WFDC1: variants seen among roughly 807,000 people sequenced by gnomAD.
The protein encoded by WFDC1 is WAP four-disulfide core domain 1.
WFDC1 carries 39 observed loss-of-function variants against 32.9 expected under a neutral mutation model. The observed-to-expected ratio is 1.19, with a 90% CI of 0.92 to 1.55. The LOEUF (loss-of-function observed/expected upper bound fraction) is 1.55. Ranked by LOEUF, WFDC1 falls within the 40% of genes most tolerant of loss-of-function variation. The pLI is 0.00. For synonymous variants in WFDC1, 184 were observed against 137.4 expected (o/e 1.34, Z -2.37); for missense variants, 386 against 309.5 (o/e 1.25, Z -1.85).
Position 84,321,268 on chromosome 16 carries a change from G to A in WFDC1, c.562+1697G>A, listed in dbSNP as rs760706862. The stretch of plus-strand genomic sequence containing the variant: ...TGAGGAGTGAGTTAATCTGTGTAGA[G>A]TGTCCATCAATTCACAAGCACAGTA... On this transcript the variant is annotated intron_variant, in intron 4 of 6. Coordinates refer to ENST00000219454, the MANE Select transcript of WFDC1 (RefSeq NM_021197.4). Among the ~76,000 whole-genome samples the A allele has an allele frequency of 2.6e-5, 4 of 152,298 alleles. No homozygotes were observed. In the South Asian group the frequency reaches 8.3e-4, roughly 32 times the overall value.
intron 3 of WFDC1, 100 bp downstream of exon 3, chr16:84,318,455 G>C: frequency 1.8e-6 from 2 of 1,133,070 alleles, no homozygotes; most frequent in Non-Finnish European, 2.6e-6. Flanking sequence ...TGTCCCCCAT[G>C]CACGGGCCCT....
chr16:84,311,695 C>CTTT (rs67144104), intron 1 of WFDC1, among the ~76,000 whole-genome samples: 27,976 of 73,208 alleles, frequency 0.38, 6,635 homozygotes, highest in East Asian at 0.79. Flanking sequence ...TGCCTGACTG[C>CTTT]TTTTTTTTTT....
chr16:84,306,781 A>ATCATCT (rs1907288254), intron 1 of WFDC1, among the ~76,000 whole-genome samples: 1 of 151,950 alleles, frequency 6.6e-6, no homozygotes, highest in African/African-American at 2.4e-5. Context: ...CATCATCATC[A>ATCATCT]TCATCATCAC....
Position 84,329,720 on chromosome 16 carries a change from T to A in WFDC1, c.*414T>A, listed in dbSNP as rs9910. The A allele has an allele frequency of 0.17, 26,294 of 152,142 alleles. 2,738 individuals carry two copies. The highest frequency in any genetic ancestry group is 0.29 in the African/African-American group (12,174 of 41,474). 9.4% of individuals were successfully genotyped at this position (152,142 alleles called of 1,614,324 possible). A position where few individuals can be genotyped will look rare whatever the true frequency, so the allele number is the denominator to read the frequency against. On this transcript the variant is annotated 3_prime_UTR_variant, in exon 7 of 7. Transcript: ENST00000219454. ...AAATGTTCCCAAGATAAATTCATCC[T>A]TCAGGAAATGGAAATGAACTTGCTT... is the stretch of plus-strand genomic sequence containing the variant.
chr16:84,311,368 C>T (rs892938863), intron 1 of WFDC1, among the ~76,000 whole-genome samples: 6 of 148,374 alleles, frequency 4.0e-5, no homozygotes, highest in Non-Finnish European at 7.4e-5. Context: ...CAGGTGCTCG[C>T]CACCACGCCC....
chr16:84,306,654 T>G (rs1361656337), intron 1 of WFDC1, among the ~76,000 whole-genome samples: 2 of 152,196 alleles, frequency 1.3e-5, no homozygotes, highest in East Asian at 3.8e-4. Context: ...GGACCCCTGC[T>G]CTGCAGAACC....
intron 4 of WFDC1, among the ~76,000 whole-genome samples, chr16:84,321,322 G>A (rs918755542): frequency 6.6e-6 from 1 of 152,182 alleles, no homozygotes; most frequent in Non-Finnish European, 1.5e-5. Context: ...ATCACTGCTT[G>A]TCTCTAGACA....
intron 3 of WFDC1, 66 bp from the exon 4 acceptor site, chr16:84,319,365 G>A: frequency 6.3e-7 from 1 of 1,578,034 alleles, no homozygotes; most frequent in South Asian, 1.1e-5. Context: ...CTGCCTTCTA[G>A]ACCCTAGCAT....
chr16:84,326,863 A>G lies in WFDC1; in HGVS notation c.605-19A>G. ...GGAATAGATACATCTACCCCAACAG[A>G]GCTGTGTTCTTTTCACAGAAGGTGA... is the stretch of plus-strand genomic sequence containing the variant. On this transcript the variant is annotated intron_variant, in intron 5 of 6. Coordinates refer to ENST00000219454, the MANE Select transcript of WFDC1 (RefSeq NM_021197.4). 6.2e-7 allele frequency: 1 copy of G among 1,613,968 alleles called. No individual in the cohort carries two copies. Among genetic ancestry groups the G allele is most frequent in the Non-Finnish European group, 8.5e-7 (1 of 1,179,962 alleles).
At chr16:84,306,181 A>C (rs1359212816) in intron 1 of WFDC1, among the ~76,000 whole-genome samples, 1 of 152,094 alleles carries the variant, frequency 6.6e-6, no homozygotes, top group East Asian at 1.9e-4. Context: ...TTTGCAGATG[A>C]CGCTCAGATA....
intron 1 of WFDC1, among the ~76,000 whole-genome samples, chr16:84,305,750 C>G (rs552132592): frequency 1.3e-5 from 2 of 152,082 alleles, no homozygotes; most frequent in Non-Finnish European, 2.9e-5. Context: ...GCTTGTAATC[C>G]CAGCACTTTG....
At chr16:84,308,742 C>T (rs536172787) in intron 1 of WFDC1, among the ~76,000 whole-genome samples, 24 of 151,276 alleles carry the variant, frequency 1.6e-4, no homozygotes, top group East Asian at 1.4e-3. Flanking sequence ...TGGGTGTAGA[C>T]GCCATCCTGA....
chr16:84,302,651 T>C (rs576193489), intron 1 of WFDC1, among the ~76,000 whole-genome samples: 3 of 152,216 alleles, frequency 2.0e-5, no homozygotes, highest in South Asian at 4.1e-4. Flanking sequence ...AGCTCTGTTG[T>C]TGTTATTGGC....
chr16:84,309,854 TGG>T (rs56240576), intron 1 of WFDC1, among the ~76,000 whole-genome samples: 2 of 83,476 alleles, frequency 2.4e-5, no homozygotes, highest in South Asian at 3.7e-4. Flanking sequence ...CATGTGTGTG[TGG>T]GGGGGGCGTG....
intron 1 of WFDC1, among the ~76,000 whole-genome samples, chr16:84,306,010 TAATAATAATAATA>T (rs1371397864): frequency 4.7e-4 from 19 of 40,786 alleles, no homozygotes; most frequent in African/African-American, 3.0e-3. Flanking sequence ...CTCAAAATAA[TAATAATAATAATA>T]ATAATAATAA....
chr16:84,323,411 C>A (rs1908418070), intron 4 of WFDC1, among the ~76,000 whole-genome samples: 1 of 152,220 alleles, frequency 6.6e-6, no homozygotes, highest in African/African-American at 2.4e-5. Context: ...ATCCACATGT[C>A]CTGGTCACAT....
intron 6 of WFDC1, chr16:84,328,077 T>G (rs1266806630): frequency 6.5e-6 from 1 of 152,826 alleles, no homozygotes; most frequent in African/African-American, 2.4e-5. Context: ...GGGGTTGAAG[T>G]CTGAGCCAAG....
rs796730308 is a variant in WFDC1, at chr16:84,309,671, G to C, written c.145-3290G>C. Among the ~76,000 whole-genome samples, 21 of 152,164 alleles carry C rather than the reference G, an allele frequency of 1.4e-4. 1 individual carries two copies. The highest frequency in any genetic ancestry group is 4.8e-4 in the African/African-American group (20 of 41,456). On this transcript the variant is annotated intron_variant, in intron 1 of 6. Coordinates refer to ENST00000219454, the MANE Select transcript of WFDC1 (RefSeq NM_021197.4). ...AGTTCAGCATCAGCTTCACTGGACTGAGATCAAGGGGTCAGCAGAGCCGCG... is the reference window on the plus strand; with the variant it reads ...AGTTCAGCATCAGCTTCACTGGACTCAGATCAAGGGGTCAGCAGAGCCGCG...
chr16:84,297,721 G>C (rs1344223709), intron 1 of WFDC1, among the ~76,000 whole-genome samples: 1 of 151,348 alleles, frequency 6.6e-6, no homozygotes, highest in Non-Finnish European at 1.5e-5. Flanking sequence ...GGGCTGGGAA[G>C]AGCACCTGGC....
Sources: allele counts gnomAD v4.1 joint callset (sites outside exome capture counted in the v4.1 genomes callset), GRCh38; gene constraint gnomAD v4.1.1; transcripts MANE v1.5; gene names NCBI Gene and HGNC (gene_info 2026-07-23, HGNC 2026-07-21).